RABGAP1L: variants seen among roughly 807,000 people sequenced by gnomAD.
RABGAP1L encodes RAB GTPase activating protein 1 like, also known as rab GTPase-activating protein 1-like.
In RABGAP1L, 63 loss-of-function variants were observed where a neutral mutation model predicts 137.7. That is an observed-to-expected ratio of 0.46 (90% confidence interval 0.37 to 0.56). RABGAP1L has a LOEUF of 0.56. Ranked by LOEUF, RABGAP1L falls within the 20% of genes least tolerant of loss-of-function variation. The probability of loss-of-function intolerance (pLI) is 0.00; values close to 1 mark genes in which losing one functional copy is unlikely to be tolerated. For missense variants in RABGAP1L, 1,095 were observed against 1,244.0 expected (o/e 0.88, Z 1.80); for synonymous variants, 431 against 433.7 (o/e 0.99, Z 0.08).
rs184569000 is a variant in RABGAP1L at position 174,361,439 on chromosome 1, G to A, written c.1466-9540G>A. On this transcript the variant is annotated intron_variant, in intron 11 of 25. Transcript: ENST00000681986. ...ACATGAAATATATTTGTATTTTTTG[G>A]CATCCTTTTCAGTTTTTTCATTGGC... Among the ~76,000 whole-genome samples the A allele has an allele frequency of 6.3e-3, 950 of 151,798 alleles. 5 individuals are homozygous for A. Among genetic ancestry groups the A allele is most frequent in the Non-Finnish European group, 9.0e-3 (610 of 67,918 alleles).
rs138644588 is a variant in RABGAP1L, at chr1:174,623,786, C to T, written c.1711-13589C>T. ...CTTAGTCATAAATAACATTGTTAGACTATTCAGTGTCCAAGGCCCCCATGC... is the reference window on the plus strand; with the variant it reads ...CTTAGTCATAAATAACATTGTTAGATTATTCAGTGTCCAAGGCCCCCATGC... On this transcript the variant is annotated intron_variant, in intron 13 of 25. Transcript: ENST00000681986. Among the ~76,000 whole-genome samples, 6 of 152,274 alleles carry T rather than the reference C, an allele frequency of 3.9e-5. No homozygotes were observed. The East Asian group carries it at 7.8e-4, about 20-fold the overall frequency.
At chr1:174,502,529 A>G (rs1661377873) in intron 13 of RABGAP1L, among the ~76,000 whole-genome samples, 1 of 149,524 alleles carries the variant, frequency 6.7e-6, no homozygotes, top group African/African-American at 2.5e-5. Flanking sequence ...AAGGAAACTC[A>G]GGAAACAACT....
intron 13 of RABGAP1L, among the ~76,000 whole-genome samples, chr1:174,429,746 AAAAAAT>A (rs1465874097): frequency 6.6e-6 from 1 of 151,112 alleles, no homozygotes; most frequent in Non-Finnish European, 1.5e-5. Context: ...TCTCAAAAAA[AAAAAAT>A]AAAAATAAAA....
chr1:174,307,710 C>T (rs1678430549), intron 11 of RABGAP1L, among the ~76,000 whole-genome samples: 2 of 151,984 alleles, frequency 1.3e-5, no homozygotes, highest in African/African-American at 4.8e-5. Context: ...TTTGTTTATC[C>T]ATTCATCTTT....
intron 3 of RABGAP1L, among the ~76,000 whole-genome samples, chr1:174,221,887 T>G (rs1395723651): frequency 6.6e-6 from 1 of 152,212 alleles, no homozygotes; most frequent in Admixed American, 6.5e-5. Flanking sequence ...TTTTACTGAT[T>G]TTTAAAATTT....
At chr1:174,714,517 A>AT (rs1312776284) in intron 17 of RABGAP1L, among the ~76,000 whole-genome samples, 3 of 152,216 alleles carry the variant, frequency 2.0e-5, no homozygotes, top group African/African-American at 7.2e-5. Context: ...GGACATAATT[A>AT]TTTTTATCAT....
At chr1:174,232,943 C>G (rs1558053987) in intron 4 of RABGAP1L, among the ~76,000 whole-genome samples, 1 of 152,122 alleles carries the variant, frequency 6.6e-6, no homozygotes, top group Non-Finnish European at 1.5e-5. Flanking sequence ...GCTGCTGTAA[C>G]AAACTGCCAT....
chr1:174,554,000 A>T (rs1302535811), intron 13 of RABGAP1L, among the ~76,000 whole-genome samples: 1 of 152,170 alleles, frequency 6.6e-6, no homozygotes, highest in African/African-American at 2.4e-5. Context: ...CAAAAAAATA[A>T]AGAAGCATAG....
At chr1:174,782,616 A>G (rs867389504) in intron 18 of RABGAP1L, among the ~76,000 whole-genome samples, 1 of 152,176 alleles carries the variant, frequency 6.6e-6, no homozygotes, top group African/African-American at 2.4e-5. Flanking sequence ...GCATTTCCGC[A>G]TGGGATGTCA....
At chr1:174,925,060 T>G (rs1662481687) in intron 19 of RABGAP1L, among the ~76,000 whole-genome samples, 1 of 151,946 alleles carries the variant, frequency 6.6e-6, no homozygotes, top group South Asian at 2.1e-4. Context: ...GGAAGAATTT[T>G]CAAAAGAGAA....
intron 19 of RABGAP1L, among the ~76,000 whole-genome samples, chr1:174,900,804 G>A (rs1254652695): frequency 6.6e-6 from 1 of 152,192 alleles, no homozygotes; most frequent in Non-Finnish European, 1.5e-5. Context: ...ACAGGTGTGA[G>A]CCACTGTGCC....
chr1:174,502,594 A>ATATG (rs1661398660), intron 13 of RABGAP1L, among the ~76,000 whole-genome samples: 1 of 147,730 alleles, frequency 6.8e-6, no homozygotes, highest in South Asian at 2.1e-4. Context: ...ATATATATAT[A>ATATG]TATGTACATA....
At position 174,180,134 on chromosome 1, in the gene RABGAP1L, G is replaced by A. The variant is rs534753692; in HGVS notation, c.-34+20477G>A. Among the ~76,000 whole-genome samples the A allele has an allele frequency of 3.9e-5, 6 of 152,306 alleles. No individual in the cohort carries two copies. The South Asian group carries it at 1.2e-3, about 32-fold the overall frequency. On this transcript the variant is annotated intron_variant, in intron 1 of 25. Transcript: ENST00000681986. ...TTGCTAAGTTCAGGGTACTGATCCT[G>A]TATAAGAATAGCTTCCAATTCAGAT...
At chr1:174,683,434 G>A in intron 14 of RABGAP1L, 88 bp from the exon 15 acceptor site, 2 of 1,053,410 alleles carry the variant, frequency 1.9e-6, no homozygotes, top group East Asian at 2.5e-5. Flanking sequence ...CCCAGGGACA[G>A]GAACAAGCAG....
chr1:174,563,473 T>C (rs531270919), intron 13 of RABGAP1L, among the ~76,000 whole-genome samples: 1 of 152,298 alleles, frequency 6.6e-6, no homozygotes, highest in South Asian at 2.1e-4. Context: ...ACTTATCCTT[T>C]GTGTGCCCCA....
At chr1:174,585,826 A>C (rs1384077117) in intron 13 of RABGAP1L, among the ~76,000 whole-genome samples, 1 of 152,214 alleles carries the variant, frequency 6.6e-6, no homozygotes, top group Non-Finnish European at 1.5e-5. Flanking sequence ...AAAAGATAGA[A>C]GTTGCCAATG....
At chr1:174,527,734 G>A (rs1664024075) in intron 13 of RABGAP1L, among the ~76,000 whole-genome samples, 1 of 152,106 alleles carries the variant, frequency 6.6e-6, no homozygotes, top group Non-Finnish European at 1.5e-5. Context: ...AGAGTGGAGT[G>A]TTGAAGTCTC....
At chr1:174,852,276 A>C (rs1452275434) in intron 19 of RABGAP1L, among the ~76,000 whole-genome samples, 1 of 152,214 alleles carries the variant, frequency 6.6e-6, no homozygotes, top group Admixed American at 6.5e-5. Flanking sequence ...TCACATTCTG[A>C]GTAGAAAAGC....
intron 13 of RABGAP1L, among the ~76,000 whole-genome samples, chr1:174,540,810 G>GT (rs1665339080): frequency 6.6e-6 from 1 of 152,180 alleles, no homozygotes; most frequent in South Asian, 2.1e-4. Context: ...CTTTAAAGTA[G>GT]TTTTTTCCAA....
Sources: allele counts gnomAD v4.1 joint callset (sites outside exome capture counted in the v4.1 genomes callset), GRCh38; gene constraint gnomAD v4.1.1; transcripts MANE v1.5; gene names NCBI Gene and HGNC (gene_info 2026-07-23, HGNC 2026-07-21).